Variants in DOCK8 observed in about 807,000 individuals in gnomAD.
DOCK8 encodes the protein dedicator of cytokinesis 8.
Under a neutral mutation model 245.6 loss-of-function variants are expected in DOCK8, and 141 were observed. That is an observed-to-expected ratio of 0.57 (90% CI 0.50 to 0.66). DOCK8 has a LOEUF of 0.66. Ranked by LOEUF, DOCK8 falls within the 30% of genes least tolerant of loss-of-function variation. The probability of loss-of-function intolerance (pLI) is 0.00; values close to 1 mark genes in which losing one functional copy is unlikely to be tolerated. For missense variants in DOCK8, 2,965 were observed against 2,603.4 expected, an observed-to-expected ratio of 1.14 and a Z score of -3.02; for synonymous variants, 1,168 against 970.2, an observed-to-expected ratio of 1.20 and a Z score of -3.79.
chr9:268,264 A>G (rs900104768), intron 1 of DOCK8: 19 of 152,220 alleles, frequency 1.2e-4, no homozygotes, highest in African/African-American at 4.3e-4. Flanking sequence ...TGCCTTCTGT[A>G]TAATTGATTC....
At chr9:375,274 A>G (rs1000851568) in intron 18 of DOCK8, among the ~76,000 whole-genome samples, 2 of 152,176 alleles carry the variant, frequency 1.3e-5, no homozygotes, top group Admixed American at 6.5e-5. Flanking sequence ...CCCTCACTCA[A>G]CACTGCAGGA....
At chr9:369,264 C>T (rs1280216834) in intron 15 of DOCK8, 2 of 152,228 alleles carry the variant, frequency 1.3e-5, no homozygotes, top group Non-Finnish European at 2.9e-5. Flanking sequence ...CCTCTCTGCT[C>T]AGGCCCCTGG....
upstream of DOCK8, chr9:214,472 C>T (rs373633428): frequency 3.2e-6 from 5 of 1,579,630 alleles, no homozygotes; most frequent in Admixed American, 3.7e-5. Context: ...TGGCTGCCTT[C>T]TTCGAGAATG....
chr9:422,698 G>A (rs934416891), intron 33 of DOCK8, among the ~76,000 whole-genome samples: 2 of 152,196 alleles, frequency 1.3e-5, no homozygotes, highest in African/African-American at 4.8e-5. Context: ...GTAGACACTT[G>A]GTTTTCTAGT....
chr9:233,585 A>G (rs905713106), intron 1 of DOCK8, among the ~76,000 whole-genome samples: 12 of 151,734 alleles, frequency 7.9e-5, no homozygotes, highest in Non-Finnish European at 1.5e-5. Flanking sequence ...GTGCTCCTGT[A>G]TTGGGTGCAT....
intron 1 of DOCK8, among the ~76,000 whole-genome samples, chr9:260,271 C>G (rs1408712131): frequency 6.6e-6 from 1 of 152,148 alleles, no homozygotes; most frequent in Non-Finnish European, 1.5e-5. Flanking sequence ...ACCATACTGT[C>G]TTGAGTCTTA....
intron 45 of DOCK8, 52 bp from the exon 46 acceptor site, chr9:451,959 A>G (rs200156601): frequency 0.011 from 3,694 of 331,380 alleles, 42 homozygotes; most frequent in South Asian, 0.022. Context: ...GTGTGTGTAT[A>G]TATATATATA....
rs35423045 is a variant in DOCK8, at chr9:406,805, G to GC, written c.3391-125_3391-124insC. 0.49 allele frequency: 592,313 copies of GC among 1,213,522 alleles called. 153,147 individuals are homozygous for GC. The highest frequency in any genetic ancestry group is 0.85 in the African/African-American group (56,844 of 67,036). 75.2% of individuals were successfully genotyped at this position (1,213,522 alleles called of 1,614,324 possible). On this transcript the variant is annotated intron_variant, in intron 27 of 47. Coordinates refer to ENST00000432829, the MANE Select transcript of DOCK8 (RefSeq NM_203447.4). ...TCCTTGTCCGCCTTATCTGGCACCAGAGTACCTACCTCACTGGGGAGGGCT... is the reference window on the plus strand; with the variant it reads ...TCCTTGTCCGCCTTATCTGGCACCAGCAGTACCTACCTCACTGGGGAGGGCT...
rs1376456009 is a variant in DOCK8, at chr9:425,759, A to AG, written c.4242-1124dup. On this transcript the variant is annotated intron_variant, in intron 33 of 47. Transcript: ENST00000432829. The stretch of plus-strand genomic sequence containing the variant: ...GTGATAGAGCAAGACCCTGTCTCTA[A>AG]GGAAAAAAAAAAAAAAAAACTTTTA... Among the ~76,000 whole-genome samples, 4 of 127,954 alleles carry AG rather than the reference A, an allele frequency of 3.1e-5. No homozygotes were observed. The Admixed American group carries it at 3.3e-4, about 10-fold the overall frequency. The allele number at this position is 127,954 out of a possible 152,430, so 83.9% of individuals were successfully genotyped here. A position where few individuals can be genotyped will look rare whatever the true frequency, so the allele number is the denominator to read the frequency against.
At chr9:414,107 A>G (rs951000400) in intron 28 of DOCK8, among the ~76,000 whole-genome samples, 19 of 148,308 alleles carry the variant, frequency 1.3e-4, no homozygotes, top group African/African-American at 4.5e-4. Context: ...GTGTCATTGC[A>G]CTCCAGCCTG....
rs1554714968 is a variant in DOCK8 at position 463,647 on chromosome 9, G to A, written c.6199G>A (p.Glu2067Lys). 4.3e-6 allele frequency: 7 copies of A among 1,613,612 alleles called. No individual in the cohort carries two copies. Among genetic ancestry groups the A allele is most frequent in the Non-Finnish European group, 5.9e-6 (7 of 1,179,974 alleles). Residue 2067 changes from glutamate (E) to lysine (K), a missense_variant, in exon 47 of 48, where the codon GAA becomes AAA. Physicochemically the swap from Glu to Lys is moderately conservative, Grantham distance 56. This residue lies in a region of DOCK8 where 134 missense variants were observed against 128.1 expected (regional missense o/e 1.05). Transcript: ENST00000432829. Reference sequence around the variant, plus strand: ...GCCAATGATCGAGCGGAAAATTCCAGAACTGTACAAGCCAATATTCAGAGT... The same window carrying A: ...GCCAATGATCGAGCGGAAAATTCCAAAACTGTACAAGCCAATATTCAGAGT... Reference protein sequence around the residue: ...LRPMIERKIPELYKPIFRVES... With the variant: ...LRPMIERKIPKLYKPIFRVES...
At chr9:395,151 G>A (rs1045206764) in intron 24 of DOCK8, among the ~76,000 whole-genome samples, 2 of 152,094 alleles carry the variant, frequency 1.3e-5, no homozygotes, top group Non-Finnish European at 2.9e-5. Context: ...TTCTCACCAG[G>A]TGCATGCGGC....
chr9:332,191 A>C (rs557822929), intron 9 of DOCK8, among the ~76,000 whole-genome samples: 2 of 152,188 alleles, frequency 1.3e-5, no homozygotes, highest in Non-Finnish European at 2.9e-5. Context: ...CTGAGTATCT[A>C]CTGTCACCCT....
At chr9:224,957 C>G (rs1223970659) in intron 1 of DOCK8, among the ~76,000 whole-genome samples, 1 of 152,176 alleles carries the variant, frequency 6.6e-6, no homozygotes, top group African/African-American at 2.4e-5. Context: ...GACATGCTGG[C>G]TGGTTTAATA....
chr9:323,439 T>C (rs913716120), intron 7 of DOCK8, among the ~76,000 whole-genome samples: 4 of 152,020 alleles, frequency 2.6e-5, no homozygotes, highest in African/African-American at 9.7e-5. Context: ...GCCAGGCTGG[T>C]CTTGAACTCC....
intron 13 of DOCK8, among the ~76,000 whole-genome samples, chr9:339,766 G>A (rs1243827123): frequency 1.3e-5 from 2 of 152,118 alleles, no homozygotes; most frequent in Non-Finnish European, 2.9e-5. Flanking sequence ...CACCTGCCTC[G>A]GCCTCCCAGA....
intron 1 of DOCK8, 189 bp downstream of exon 1, chr9:215,218 C>G: frequency 6.5e-7 from 1 of 1,543,964 alleles, no homozygotes; most frequent in South Asian, 1.2e-5. Flanking sequence ...GGCTCCTGCG[C>G]TGGGCCCGGC....
At chr9:395,620 G>C (rs1287059386) in intron 24 of DOCK8, among the ~76,000 whole-genome samples, 1 of 152,016 alleles carries the variant, frequency 6.6e-6, no homozygotes, top group African/African-American at 2.4e-5. Context: ...TTTTCAGAGT[G>C]TAGGGACCCA....
intron 7 of DOCK8, among the ~76,000 whole-genome samples, chr9:323,501 A>G (rs910442186): frequency 5.3e-5 from 8 of 152,104 alleles, no homozygotes; most frequent in Non-Finnish European, 8.8e-5. Context: ...GATTACAGGC[A>G]TGAGCCACTG....
Sources: gnomAD v4.1 joint callset for allele counts (sites outside exome capture counted in the v4.1 genomes callset) on GRCh38, gnomAD v4.1.1 for gene constraint, gnomAD v4.1.1 regional missense constraint, MANE v1.5 for transcripts, NCBI Gene and HGNC (gene_info 2026-07-23, HGNC 2026-07-21) for gene names.